The following PKD1L1 variants were observed in gnomAD, a reference collection of about 807,000 sequenced individuals.
PKD1L1 encodes polycystin 1 like 1, transient receptor potential channel interacting, also known as polycystin-1-like protein 1.
A neutral mutation model predicts 323.4 loss-of-function variants in PKD1L1; 236 were observed. The observed-to-expected ratio is 0.73, with a 90% CI of 0.66 to 0.81. The LOEUF is 0.81. Ranked by LOEUF, PKD1L1 falls within the 40% of genes least tolerant of loss-of-function variation. The probability of loss-of-function intolerance (pLI) is 0.00; values close to 1 mark genes in which losing one functional copy is unlikely to be tolerated. For missense variants in PKD1L1, 3,320 were observed against 3,508.0 expected (o/e 0.95, Z 1.35); for synonymous variants, 1,344 against 1,335.0 (o/e 1.01, Z -0.15).
rs749238074 is a variant in PKD1L1 at position 47,888,135 on chromosome 7, G to A, written c.2691C>T (p.Ser897=). ...CGAAGGTGTCTTTAAAGCTGACCCA[G>A]GAGATGTGGACGAATCTGAAATATA... is the stretch of plus-strand genomic sequence containing the variant. ...PDSAFRFVHI[S]WVSFKDTFVN... is the part of the protein sequence containing the mutation. Residue 897 remains serine, a synonymous_variant, in exon 17 of 57, where the codon TCC becomes TCT. Coordinates refer to ENST00000289672, the MANE Select transcript of PKD1L1 (RefSeq NM_138295.5). 1.1e-5 allele frequency: 17 copies of A among 1,613,126 alleles called. No homozygotes were observed. The African/African-American group carries it at 1.7e-4, about 16-fold the overall frequency.
At chr7:47,959,857 G>A in the PKD1L1 span, among the ~76,000 whole-genome samples, 15 of 150,990 alleles carry the variant, frequency 9.9e-5, no homozygotes, top group Admixed American at 4.6e-4. Flanking sequence ...CCACCACCCC[G>A]TCTGGGAGGT....
At position 47,802,659 on chromosome 7, in the gene PKD1L1, TG is replaced by T. The variant is rs376018055; in HGVS notation, c.7962+550del. Among the ~76,000 whole-genome samples the T allele has an allele frequency of 3.4e-3, 516 of 152,330 alleles. 3 individuals carry two copies. Among genetic ancestry groups the T allele is most frequent in the Non-Finnish European group, 6.1e-3 (417 of 68,030 alleles). ...AGGTTGGAGAAAGCTCTTTCTCTGC[TG>T]GGACCAGATCGGAATCAACAGCACC... On this transcript the variant is annotated intron_variant, in intron 53 of 56. Transcript: ENST00000289672.
chr7:47,791,863 C>T (rs1257977786), intron 56 of PKD1L1, among the ~76,000 whole-genome samples: 2 of 152,206 alleles, frequency 1.3e-5, no homozygotes, highest in African/African-American at 4.8e-5. Flanking sequence ...GAAGTTACCA[C>T]TGGAAGCTAT....
At position 47,931,932 on chromosome 7, in the gene PKD1L1, C is replaced by T. The variant is rs375126457; in HGVS notation, c.519+4G>A. 7.5e-6 allele frequency: 12 copies of T among 1,609,552 alleles called. No homozygotes were observed. The African/African-American group carries it at 1.5e-4, about 20-fold the overall frequency. Reference sequence around the variant, plus strand: ...AAATTCAATTGCAGGGGTTAGATACCAACCTGGAGAAGAGCAGAGAATGTG... The same window carrying T: ...AAATTCAATTGCAGGGGTTAGATACTAACCTGGAGAAGAGCAGAGAATGTG... On this transcript the variant is annotated splice_donor_region_variant and intron_variant, in intron 5 of 56. Coordinates refer to ENST00000289672, the MANE Select transcript of PKD1L1 (RefSeq NM_138295.5).
At chr7:47,876,351 G>C (rs147497010) in intron 22 of PKD1L1, 134 bp from the exon 23 acceptor site, 1 of 1,040,476 alleles carries the variant, frequency 9.6e-7, no homozygotes, top group Non-Finnish European at 1.4e-6. Context: ...GTAAGTGACA[G>C]GTAAGCAGCA....
chr7:47,807,167 TC>T (rs2128728037), intron 52 of PKD1L1, among the ~76,000 whole-genome samples: 1 of 152,210 alleles, frequency 6.6e-6, no homozygotes, highest in Non-Finnish European at 1.5e-5. Flanking sequence ...ATTCATGTAT[TC>T]TTTCACTTCA....
chr7:47,925,222 TG>T (rs1787634267), intron 7 of PKD1L1, among the ~76,000 whole-genome samples: 1 of 152,056 alleles, frequency 6.6e-6, no homozygotes, highest in South Asian at 2.1e-4. Context: ...CATAAAGAAA[TG>T]TTCAGGCCGG....
At chr7:47,871,787 G>A (rs1159887316) in intron 24 of PKD1L1, among the ~76,000 whole-genome samples, 4 of 152,250 alleles carry the variant, frequency 2.6e-5, no homozygotes, top group Non-Finnish European at 4.4e-5. Flanking sequence ...ATCTGATAAC[G>A]GTTGTCTGTG....
Position 47,874,025 on chromosome 7 carries a change from G to T in PKD1L1, c.3785-15C>A. 6.6e-7 allele frequency: 1 copy of T among 1,517,800 alleles called. No homozygotes were observed. Among genetic ancestry groups the T allele is most frequent in the Non-Finnish European group, 9.1e-7 (1 of 1,096,488 alleles). The allele number at this position is 1,517,800 out of a possible 1,614,324, so 94.0% of individuals were successfully genotyped here. A position where few individuals can be genotyped will look rare whatever the true frequency, so the allele number is the denominator to read the frequency against. On this transcript the variant is annotated splice_polypyrimidine_tract_variant and intron_variant, in intron 23 of 56. Transcript: ENST00000289672. Reference sequence around the variant, plus strand: ...GGAAACCATGACTGTGAGGGAACATGTCAGAAGAGGGTCATCTTGGACATG... The same window carrying T: ...GGAAACCATGACTGTGAGGGAACATTTCAGAAGAGGGTCATCTTGGACATG...
At chr7:47,787,668 G>A (rs1444936196) in intron 56 of PKD1L1, among the ~76,000 whole-genome samples, 1 of 152,166 alleles carries the variant, frequency 6.6e-6, no homozygotes, top group Non-Finnish European at 1.5e-5. Flanking sequence ...GGGTTTAAAG[G>A]AAAGAGATGA....
At position 47,839,853 on chromosome 7, in the gene PKD1L1, G is replaced by A. The variant is rs994987110; in HGVS notation, c.5553-191C>T. On this transcript the variant is annotated intron_variant, in intron 35 of 56. Transcript: ENST00000289672. This position sits in a 1 kb window ranked among gnomAD's most constrained non-coding sequence, Gnocchi z 4.3. Reference sequence around the variant, plus strand: ...CGGCCAGAGGATGGGAAATCCCACCGAGCACAGTGACCCTGCACTCAGGCC... The same window carrying A: ...CGGCCAGAGGATGGGAAATCCCACCAAGCACAGTGACCCTGCACTCAGGCC... Among the ~76,000 whole-genome samples, 4 of 152,142 alleles carry A rather than the reference G, an allele frequency of 2.6e-5. No homozygotes were observed. The highest frequency in any genetic ancestry group is 2.1e-4 in the South Asian group (1 of 4,820).
At chr7:47,900,795 T>C (rs1480719353) in intron 13 of PKD1L1, among the ~76,000 whole-genome samples, 1 of 152,158 alleles carries the variant, frequency 6.6e-6, no homozygotes, top group East Asian at 1.9e-4. Context: ...GAGGACATTA[T>C]ATAGTGATGT....
rs35198089 is a variant in PKD1L1 at position 47,880,284 on chromosome 7, A to ATTTTTTTTTTTTTT, written c.3520+430_3520+443dup. On this transcript the variant is annotated intron_variant, in intron 21 of 56. Coordinates refer to ENST00000289672, the MANE Select transcript of PKD1L1 (RefSeq NM_138295.5). ...TATATACATATATATATATATATATATTTTTTTTTTTTTTTTTGAGACAGT... is the reference window on the plus strand; with the variant it reads ...TATATACATATATATATATATATATATTTTTTTTTTTTTTTTTTTTTTTTTTTTTTTGAGACAGT... Among the ~76,000 whole-genome samples the ATTTTTTTTTTTTTT allele has an allele frequency of 3.5e-4, 20 of 56,770 alleles. 2 individuals are homozygous for ATTTTTTTTTTTTTT. The highest frequency in any genetic ancestry group is 6.4e-4 in the African/African-American group (6 of 9,378). The allele number at this position is 56,770 out of a possible 152,430, so 37.2% of individuals were successfully genotyped here. A position where few individuals can be genotyped will look rare whatever the true frequency, so the allele number is the denominator to read the frequency against.
chr7:47,909,502 G>A lies in PKD1L1; in HGVS notation c.1229-1252C>T, dbSNP rs1480653238. Among the ~76,000 whole-genome samples, 3 of 152,278 alleles carry A rather than the reference G, an allele frequency of 2.0e-5. No individual in the cohort carries two copies. In the East Asian group the frequency reaches 5.8e-4, roughly 29 times the overall value. ...CCATGAGCCTCTTTGAATGACCCAG[G>A]CAGAATCACTGGCTTCACCTGGCAT... On this transcript the variant is annotated intron_variant, in intron 8 of 56. Coordinates refer to ENST00000289672, the MANE Select transcript of PKD1L1 (RefSeq NM_138295.5).
At chr7:47,833,966 AC>A (rs1352570174) in intron 40 of PKD1L1, among the ~76,000 whole-genome samples, 1 of 152,054 alleles carries the variant, frequency 6.6e-6, no homozygotes, top group African/African-American at 2.4e-5. Context: ...CTGAGCAATC[AC>A]CCCGAGCCTT....
intron 56 of PKD1L1, among the ~76,000 whole-genome samples, chr7:47,785,930 C>CG (rs1375541783): frequency 4.6e-5 from 7 of 151,874 alleles, no homozygotes; most frequent in Non-Finnish European, 1.0e-4. Flanking sequence ...TTAGGAGGCA[C>CG]GGGGTTTCAC....
In PKD1L1 at chr7:47,882,282, TTCCCTCCC is replaced by T. The variant is rs67299719; in HGVS notation, c.3266-205_3266-198del. On this transcript the variant is annotated intron_variant, in intron 19 of 56. Transcript: ENST00000289672. ...ATGTAATTAGCGGTCCAAAGGCATCTTCCCTCCCTCCCTCCCTCCCTCCCTTCCTATCT... is the reference window on the plus strand; with the variant it reads ...ATGTAATTAGCGGTCCAAAGGCATCTTCCCTCCCTCCCTCCCTTCCTATCT... Among the ~76,000 whole-genome samples, 46,912 of 146,368 alleles carry T rather than the reference TTCCCTCCC, an allele frequency of 0.32. 7,731 individuals carry two copies. Among genetic ancestry groups the T allele is most frequent in the Admixed American group, 0.4 (5,787 of 14,480 alleles).
intron 52 of PKD1L1, 44 bp downstream of exon 52, chr7:47,808,203 C>T: frequency 6.2e-7 from 1 of 1,601,178 alleles, no homozygotes; most frequent in Non-Finnish European, 8.5e-7. Flanking sequence ...GATGGCATCA[C>T]AGTGCATGGC....
chr7:47,813,022 G>A, intron 49 of PKD1L1, 99 bp downstream of exon 49: 1 of 1,442,908 alleles, frequency 6.9e-7, no homozygotes, highest in Non-Finnish European at 9.4e-7. Flanking sequence ...GGCCTGTCAG[G>A]AGGCTGCACC....
Sources: allele counts gnomAD v4.1 joint callset (sites outside exome capture counted in the v4.1 genomes callset), GRCh38; gene constraint gnomAD v4.1.1; non-coding constraint Gnocchi (gnomAD v3.1); transcripts MANE v1.5; gene names NCBI Gene and HGNC (gene_info 2026-07-23, HGNC 2026-07-21).